Variants in UBL3 observed in about 807,000 individuals in gnomAD.
The protein encoded by UBL3 is ubiquitin like 3.
In UBL3, 6 loss-of-function variants were observed where a neutral mutation model predicts 18.4. That is an observed-to-expected ratio of 0.33 (90% CI 0.18 to 0.64). The LOEUF (loss-of-function observed/expected upper bound fraction) is 0.64, where lower values mean the gene tolerates loss of function less well. UBL3 is among the 30% of genes least tolerant of loss of function. The pLI, the probability that UBL3 is intolerant of heterozygous loss-of-function variation, is 0.76. For synonymous variants in UBL3, 49 were observed against 46.6 expected, an observed-to-expected ratio of 1.05 and a Z score of -0.21; for missense variants, 109 against 142.9, an observed-to-expected ratio of 0.76 and a Z score of 1.21.
chr13:29,831,385 T>C (rs1383376790), intron 1 of UBL3, among the ~76,000 whole-genome samples: 1 of 150,642 alleles, frequency 6.6e-6, no homozygotes, highest in African/African-American at 2.4e-5. Context: ...AGGTCAGGAG[T>C]TCAAGACCAG....
At chr13:29,768,325 T>C (rs1030029980) in intron 3 of UBL3, among the ~76,000 whole-genome samples, 1 of 152,064 alleles carries the variant, frequency 6.6e-6, no homozygotes, top group Non-Finnish European at 1.5e-5. Context: ...ATTTCAGACA[T>C]AGAACACACA....
At position 29,764,436 on chromosome 13, in the gene UBL3, T is replaced by C. The variant is rs969079156; in HGVS notation, c.*2819A>G. ...AACAGATGAAGAAAGTTTTAATTTC[T>C]TTTCACATTAAACATTGTTTACCAC... On this transcript the variant is annotated 3_prime_UTR_variant, in exon 5 of 5. Transcript: ENST00000380680. 5.3e-5 allele frequency: 8 copies of C among 152,224 alleles called. No homozygotes were observed. Among genetic ancestry groups the C allele is most frequent in the Admixed American group, 3.3e-4 (5 of 15,280 alleles). The allele number at this position is 152,224 out of a possible 1,614,324, so 9.4% of individuals were successfully genotyped here. A position where few individuals can be genotyped will look rare whatever the true frequency, so the allele number is the denominator to read the frequency against.
At chr13:29,797,050 C>T (rs963512805) in intron 1 of UBL3, among the ~76,000 whole-genome samples, 2 of 152,010 alleles carry the variant, frequency 1.3e-5, no homozygotes, top group South Asian at 2.1e-4. Context: ...AAGCAGTTAA[C>T]GTATTTATAA....
chr13:29,804,631 C>T (rs1447018877), intron 1 of UBL3, among the ~76,000 whole-genome samples: 1 of 152,000 alleles, frequency 6.6e-6, no homozygotes, highest in Admixed American at 6.6e-5. Flanking sequence ...ACTGACCCCA[C>T]AGTAATACAA....
intron 1 of UBL3, among the ~76,000 whole-genome samples, chr13:29,848,278 C>CAA (rs1879277729): frequency 3.2e-5 from 1 of 30,972 alleles, no homozygotes; most frequent in Admixed American, 4.4e-4. Flanking sequence ...ACCCTGTCTC[C>CAA]ACAAAAAAAA....
At chr13:29,767,745 A>C (rs1250028429) in intron 3 of UBL3, 50 bp from the exon 4 acceptor site, 6 of 1,513,810 alleles carry the variant, frequency 4.0e-6, no homozygotes, top group Non-Finnish European at 5.4e-6. Flanking sequence ...GACCTATTAA[A>C]ATCACTATCC....
At chr13:29,840,912 G>T in intron 1 of UBL3, among the ~76,000 whole-genome samples, 1 of 152,138 alleles carries the variant, frequency 6.6e-6, no homozygotes, top group Non-Finnish European at 1.5e-5. Context: ...TGCATAGATA[G>T]ATGTTCATAA....
At chr13:29,785,536 A>G (rs1445973883) in intron 1 of UBL3, among the ~76,000 whole-genome samples, 3 of 152,178 alleles carry the variant, frequency 2.0e-5, no homozygotes, top group African/African-American at 7.2e-5. Context: ...AACATTTTCT[A>G]GAGTTATGAA....
chr13:29,834,901 T>TA (rs1474923449), intron 1 of UBL3, among the ~76,000 whole-genome samples: 2 of 151,278 alleles, frequency 1.3e-5, no homozygotes, highest in Non-Finnish European at 2.9e-5. Flanking sequence ...TAGTAGCACC[T>TA]ACCTACCTGA....
rs1366112534 is a variant in UBL3 at position 29,776,257 on chromosome 13, CTTTCTTT to C, written c.136+891_136+897del. On this transcript the variant is annotated intron_variant, in intron 2 of 4. Coordinates refer to ENST00000380680, the MANE Select transcript of UBL3 (RefSeq NM_007106.4). ...TGTTTTTTTTTCTTTTTTTTCTTTTCTTTCTTTTTTTTTTTTTTTTTTTGAGACAGGG... is the reference window on the plus strand; with the variant it reads ...TGTTTTTTTTTCTTTTTTTTCTTTTCTTTTTTTTTTTTTTTTGAGACAGGG... Among the ~76,000 whole-genome samples the C allele has an allele frequency of 1.1e-4, 11 of 97,204 alleles. No homozygotes were observed. In the South Asian group the frequency reaches 1.5e-3, roughly 13 times the overall value. 63.8% of individuals were successfully genotyped at this position (97,204 alleles called of 152,430 possible). A position where few individuals can be genotyped will look rare whatever the true frequency, so the allele number is the denominator to read the frequency against.
chr13:29,776,668 C>T (rs529407435), intron 2 of UBL3, among the ~76,000 whole-genome samples: 6 of 151,878 alleles, frequency 4.0e-5, no homozygotes, highest in South Asian at 4.2e-4. Flanking sequence ...GTCAAGAGAT[C>T]GAGACCATCC....
At chr13:29,794,419 A>T (rs1420611937) in intron 1 of UBL3, among the ~76,000 whole-genome samples, 2 of 151,998 alleles carry the variant, frequency 1.3e-5, no homozygotes, top group Non-Finnish European at 2.9e-5. Flanking sequence ...TACTTTAGTT[A>T]TGTTTGTTAG....
chr13:29,772,197 G>A lies in UBL3; in HGVS notation c.138C>T (p.Asp46=). 1 of 1,610,772 alleles carries A rather than the reference G, an allele frequency of 6.2e-7. No individual in the cohort carries two copies. Among genetic ancestry groups the A allele is most frequent in the Non-Finnish European group, 8.5e-7 (1 of 1,178,052 alleles). The change falls in exon 3 of 5, where the codon GAC becomes GAT. Residue 46 remains aspartate (D), a splice_region_variant and synonymous_variant. Transcript: ENST00000380680. The stretch of plus-strand genomic sequence containing the variant: ...GACTGCTGACCTGCTCTTCTTCCCA[G>A]TCTGAAAAGAATCCAGTGTACTGGT... ...AKHVYDNWPM[D]WEEEQVSSPN...
intron 1 of UBL3, among the ~76,000 whole-genome samples, chr13:29,786,909 C>A (rs1349583452): frequency 6.6e-6 from 1 of 152,010 alleles, no homozygotes; most frequent in Non-Finnish European, 1.5e-5. Context: ...AGTCCTCTAG[C>A]TTAAGTTCCC....
At chr13:29,801,181 T>A (rs1367156098) in intron 1 of UBL3, among the ~76,000 whole-genome samples, 2 of 152,162 alleles carry the variant, frequency 1.3e-5, no homozygotes, top group Admixed American at 1.3e-4. Flanking sequence ...AACTCTGGCA[T>A]GCCACAGCCA....
At chr13:29,782,567 C>T (rs975030068) in intron 1 of UBL3, among the ~76,000 whole-genome samples, 3 of 152,162 alleles carry the variant, frequency 2.0e-5, no homozygotes, top group Admixed American at 6.5e-5. Context: ...CTACTACTCC[C>T]TCCTTACTCC....
intron 1 of UBL3, among the ~76,000 whole-genome samples, chr13:29,821,279 T>C (rs552990518): frequency 1.3e-5 from 2 of 152,346 alleles, no homozygotes; most frequent in East Asian, 1.9e-4. Flanking sequence ...TTATAGGTTA[T>C]ATATGTGTTT....
intron 1 of UBL3, among the ~76,000 whole-genome samples, chr13:29,833,037 T>C (rs1878822123): frequency 6.6e-6 from 1 of 152,164 alleles, no homozygotes. Context: ...TCATTACAAC[T>C]CAAACACAGG....
chr13:29,775,876 C>CA (rs1219575998), intron 2 of UBL3, among the ~76,000 whole-genome samples: 1 of 151,970 alleles, frequency 6.6e-6, no homozygotes, highest in Non-Finnish European at 1.5e-5. Context: ...CTCAGCCTCC[C>CA]AAAGACCTGG....
Sources: gnomAD v4.1 joint callset for allele counts (sites outside exome capture counted in the v4.1 genomes callset) on GRCh38, gnomAD v4.1.1 for gene constraint, MANE v1.5 for transcripts, NCBI Gene and HGNC (gene_info 2026-07-23, HGNC 2026-07-21) for gene names.